The following ARMC6 variants were observed in gnomAD, a reference collection of about 807,000 sequenced individuals.
ARMC6 encodes the protein armadillo repeat containing 6, also known as armadillo repeat-containing protein 6.
ARMC6 carries 43 observed loss-of-function variants against 49.2 expected under a neutral mutation model. The observed-to-expected ratio is 0.87, with a 90% CI of 0.69 to 1.13. The LOEUF is 1.13. Among genes scored for constraint, ARMC6 ranks in the 50% most tolerant of loss-of-function variants. The pLI is 0.00. For synonymous variants in ARMC6, 262 were observed against 289.6 expected (o/e 0.90, Z 0.97); for missense variants, 627 against 682.0 (o/e 0.92, Z 0.90).
chr19:19,049,884 C>T (rs1187770103), intron 4 of ARMC6, among the ~76,000 whole-genome samples: 2 of 152,040 alleles, frequency 1.3e-5, no homozygotes, highest in South Asian at 2.1e-4. Context: ...ATTATCCGGG[C>T]GTGGTGGCAC....
chr19:19,052,401 CAG>C (rs889048908), intron 5 of ARMC6, among the ~76,000 whole-genome samples: 49 of 152,308 alleles, frequency 3.2e-4, no homozygotes, highest in African/African-American at 9.6e-4. Flanking sequence ...GGCCAGCACT[CAG>C]GGGCCAGGAG....
intron 4 of ARMC6, among the ~76,000 whole-genome samples, chr19:19,050,622 G>C (rs935536906): frequency 2.6e-5 from 4 of 152,172 alleles, no homozygotes; most frequent in African/African-American, 9.7e-5. Context: ...GTCTATTCTA[G>C]TCATGCACAC....
Position 19,042,344 on chromosome 19 carries a change from C to G in ARMC6, c.30-367C>G, listed in dbSNP as rs183419696. ...AAATGTAGTAAACTCTGTGTTCTCTCCTACACTTTGTTTTTTTTTCCCAAG... is the reference window on the plus strand; with the variant it reads ...AAATGTAGTAAACTCTGTGTTCTCTGCTACACTTTGTTTTTTTTTCCCAAG... On this transcript the variant is annotated intron_variant, in intron 2 of 8. Transcript: ENST00000535612. Among the ~76,000 whole-genome samples, 731 of 152,156 alleles carry G rather than the reference C, an allele frequency of 4.8e-3. 9 individuals carry two copies. Among genetic ancestry groups the G allele is most frequent in the Middle Eastern group, 0.021 (6 of 292 alleles).
chr19:19,051,593 G>A, intron 4 of ARMC6, 29 bp from the exon 5 acceptor site: 1 of 1,555,142 alleles, frequency 6.4e-7, no homozygotes, highest in Non-Finnish European at 8.7e-7. Flanking sequence ...TGCCTGAGCT[G>A]ATGCTGAGGT....
At chr19:19,056,416 C>T (rs1290225172) in intron 8 of ARMC6, among the ~76,000 whole-genome samples, 1 of 152,136 alleles carries the variant, frequency 6.6e-6, no homozygotes, top group Non-Finnish European at 1.5e-5. Context: ...CATGGGCCAC[C>T]ACGCCCAGCT....
At chr19:19,049,059 A>ATTTT (rs67876712) in intron 4 of ARMC6, among the ~76,000 whole-genome samples, 2 of 124,938 alleles carry the variant, frequency 1.6e-5, no homozygotes, top group Non-Finnish European at 1.7e-5. Flanking sequence ...GAGGACTTAG[A>ATTTT]TTTTTTTTTT....
rs369230426 is a variant in ARMC6 at position 19,056,166 on chromosome 19, C to G, written c.1293+238C>G. Among the ~76,000 whole-genome samples, 13 of 152,092 alleles carry G rather than the reference C, an allele frequency of 8.5e-5. No individual in the cohort carries two copies. The South Asian group carries it at 2.7e-3, about 32-fold the overall frequency. Reference sequence around the variant, plus strand: ...GCCTCCTTCTCTGCCTTTGTTTTTTCTGCATTTACTCTCCTTTTTTGGGGA... The same window carrying G: ...GCCTCCTTCTCTGCCTTTGTTTTTTGTGCATTTACTCTCCTTTTTTGGGGA... On this transcript the variant is annotated intron_variant, in intron 8 of 8. Transcript: ENST00000535612.
At chr19:19,044,169 G>A in intron 4 of ARMC6, 95 bp downstream of exon 4, 1 of 1,263,166 alleles carries the variant, frequency 7.9e-7, no homozygotes, top group Non-Finnish European at 1.1e-6. Flanking sequence ...AGGCTCTGAA[G>A]GTCATGCCCT....
At chr19:19,044,161 G>T (rs1452520924) in intron 4 of ARMC6, 87 bp downstream of exon 4, 12 of 1,335,378 alleles carry the variant, frequency 9.0e-6, no homozygotes, top group Non-Finnish European at 1.3e-5. Context: ...CAGAATACAG[G>T]CTCTGAAGGT....
chr19:19,056,574 A>G (rs1034070955), intron 8 of ARMC6, among the ~76,000 whole-genome samples: 11 of 152,120 alleles, frequency 7.2e-5, no homozygotes, highest in African/African-American at 2.4e-4. Context: ...TCCTTTTTTA[A>G]AAGTCCCTAT....
chr19:19,047,379 A>C (rs941143119), intron 4 of ARMC6, among the ~76,000 whole-genome samples: 2 of 152,162 alleles, frequency 1.3e-5, no homozygotes, highest in Admixed American at 6.6e-5. Flanking sequence ...AAAAAATTCA[A>C]CATTGTGATG....
At chr19:19,038,389 G>C (rs1355260568) in intron 2 of ARMC6, among the ~76,000 whole-genome samples, 1 of 152,166 alleles carries the variant, frequency 6.6e-6, no homozygotes, top group Non-Finnish European at 1.5e-5. Context: ...TGGGACTGCT[G>C]AGCTACAGGT....
chr19:19,047,034 A>G (rs1245573191), intron 4 of ARMC6, among the ~76,000 whole-genome samples: 2 of 142,354 alleles, frequency 1.4e-5, no homozygotes, highest in South Asian at 2.3e-4. Context: ...GCTCATTGCA[A>G]CCTCCACCTC....
Position 19,042,779 on chromosome 19 carries a change from A to T in ARMC6, c.98A>T (p.Gln33Leu), listed in dbSNP as rs747460739. ...QAKMVSKRIA[Q>L]ETFDAAVREN... ...AAGATGGTCTCCAAGCGCATTGCCC[A>T]GGAGACCTTTGATGCAGCTGTGCGC... The change falls in exon 3 of 9, where the codon CAG (glutamine) becomes CTG (leucine). Residue 33 changes from glutamine (Q) to leucine (L), a missense_variant. Transcript: ENST00000535612. 2 of 1,614,006 alleles carry T rather than the reference A, an allele frequency of 1.2e-6. No individual in the cohort carries two copies. Among genetic ancestry groups the T allele is most frequent in the South Asian group, 2.2e-5 (2 of 91,090 alleles).
chr19:19,049,745 G>A (rs1396453234), intron 4 of ARMC6, among the ~76,000 whole-genome samples: 1 of 152,160 alleles, frequency 6.6e-6, no homozygotes, highest in African/African-American at 2.4e-5. Flanking sequence ...ATCACAGGCT[G>A]GCCACCCTGG....
In ARMC6 at chr19:19,052,109, G is replaced by A. The variant is rs767064538; in HGVS notation, c.767G>A (p.Arg256His). Residue 256 changes from arginine to histidine, a missense_variant, in exon 5 of 9, where the codon CGT becomes CAT. Physicochemically the swap from Arg to His is conservative, Grantham distance 29 (BLOSUM62 0). Transcript: ENST00000535612. ...GTCATGACCTTCGATGACGACATCCGTGTGCCCTTTGGCCATGCCCACAAC... is the reference window on the plus strand; with the variant it reads ...GTCATGACCTTCGATGACGACATCCATGTGCCCTTTGGCCATGCCCACAAC... ...LRVMTFDDDIRVPFGHAHNHA... is the reference protein window; with the variant it reads ...LRVMTFDDDIHVPFGHAHNHA... 20 of 1,613,788 alleles carry A rather than the reference G, an allele frequency of 1.2e-5. No homozygotes were observed. The highest frequency in any genetic ancestry group is 2.7e-5 in the African/African-American group (2 of 74,924).
intron 2 of ARMC6, chr19:19,040,654 C>CTT (rs34338156): frequency 0.011 from 2,978 of 274,722 alleles, no homozygotes; most frequent in South Asian, 0.02. Flanking sequence ...CAGAGTTTGA[C>CTT]TTTTTTTTTT....
chr19:19,055,348 G>T lies in ARMC6; in HGVS notation c.1107G>T (p.Gly369=). The T allele has an allele frequency of 6.2e-7, 1 of 1,613,240 alleles. No individual in the cohort carries two copies. The highest frequency in any genetic ancestry group is 8.5e-7 in the Non-Finnish European group (1 of 1,179,582). ...DVKDAIVRAG[G]TESIVAAMTQ... Reference sequence around the variant, plus strand: ...AAGATGCTATTGTCCGTGCTGGTGGGACGGAGTCCATCGTGGCTGCTATGA... The same window carrying T: ...AAGATGCTATTGTCCGTGCTGGTGGTACGGAGTCCATCGTGGCTGCTATGA... Residue 369 remains glycine, a synonymous_variant, in exon 7 of 9, where the codon GGG becomes GGT. Transcript: ENST00000535612. The surrounding 1 kb of genome is among the most constrained non-coding windows in gnomAD (Gnocchi z 5.7).
In ARMC6 at chr19:19,051,695, G is replaced by A; in HGVS notation, c.353G>A (p.Cys118Tyr). The change falls in exon 5 of 9, where the codon TGC becomes TAC. Residue 118 changes from cysteine to tyrosine, a missense_variant. Coordinates refer to ENST00000535612, the MANE Select transcript of ARMC6 (RefSeq NM_001199196.2). ...QEVSAYLTRF[C>Y]DQCKQDKACR... ...GTGTCAGCATACCTCACCCGCTTCT[G>A]CGACCAGTGCAAACAGGACAAGGCC... 2 of 1,613,920 alleles carry A rather than the reference G, an allele frequency of 1.2e-6. No individual in the cohort carries two copies. Among genetic ancestry groups the A allele is most frequent in the Non-Finnish European group, 1.7e-6 (2 of 1,180,018 alleles).
Sources: allele counts gnomAD v4.1 joint callset (sites outside exome capture counted in the v4.1 genomes callset), GRCh38; gene constraint gnomAD v4.1.1; non-coding constraint Gnocchi (gnomAD v3.1); transcripts MANE v1.5; gene names NCBI Gene and HGNC (gene_info 2026-07-23, HGNC 2026-07-21).